The following MED27 variants were observed in gnomAD, a reference collection of about 807,000 sequenced individuals.
MED27 encodes mediator of RNA polymerase II transcription subunit 27.
MED27 carries 30 observed loss-of-function variants against 38.2 expected under a neutral mutation model. The observed-to-expected ratio is 0.79, with a 90% CI of 0.59 to 1.07. MED27 has a LOEUF of 1.07. Among genes scored for constraint, MED27 ranks in the 50% least tolerant of loss-of-function variants. The pLI is 0.00. For synonymous variants in MED27, 122 were observed against 153.5 expected, an observed-to-expected ratio of 0.79 and a Z score of 1.52; for missense variants, 289 against 397.5, an observed-to-expected ratio of 0.73 and a Z score of 2.32.
intron 2 of MED27, among the ~76,000 whole-genome samples, chr9:132,021,503 G>A (rs977234611): frequency 1.3e-5 from 2 of 152,210 alleles, no homozygotes; most frequent in Non-Finnish European, 2.9e-5. Flanking sequence ...AGACAGACGA[G>A]GGTATATAAA....
At chr9:131,981,700 T>C (rs994922114) in intron 3 of MED27, among the ~76,000 whole-genome samples, 20 of 152,186 alleles carry the variant, frequency 1.3e-4, no homozygotes, top group Non-Finnish European at 2.4e-4. Context: ...AGCCAGGAGA[T>C]GGGGCAGGAG....
At chr9:131,863,427 G>A (rs1023216574) in intron 6 of MED27, among the ~76,000 whole-genome samples, 2 of 152,182 alleles carry the variant, frequency 1.3e-5, no homozygotes, top group Non-Finnish European at 2.9e-5. Flanking sequence ...CAGAGGGAGC[G>A]GCCAGAGGCC....
intron 2 of MED27, among the ~76,000 whole-genome samples, chr9:132,058,308 C>A (rs930407476): frequency 6.6e-6 from 1 of 152,170 alleles, no homozygotes; most frequent in Non-Finnish European, 1.5e-5. Flanking sequence ...ACCCAAATAT[C>A]ATCTTGAATT....
At chr9:131,884,787 T>C (rs1443664218) in intron 5 of MED27, among the ~76,000 whole-genome samples, 1 of 152,022 alleles carries the variant, frequency 6.6e-6, no homozygotes, top group Non-Finnish European at 1.5e-5. Flanking sequence ...TTTGTATTTT[T>C]AGTAGAGATA....
chr9:131,964,377 A>C (rs373220106), intron 3 of MED27, among the ~76,000 whole-genome samples: 10 of 4,252 alleles, frequency 2.4e-3, no homozygotes, highest in Non-Finnish European at 4.2e-3. Flanking sequence ...GGTAGTAGTG[A>C]TGGTGATGGT....
chr9:131,928,811 C>T (rs907178055), intron 4 of MED27, among the ~76,000 whole-genome samples: 50 of 152,362 alleles, frequency 3.3e-4, no homozygotes, highest in Admixed American at 1.4e-3. Context: ...ACTACAATTC[C>T]TAAGCAAGTT....
chr9:131,950,396 TC>T (rs1461075414), intron 3 of MED27, among the ~76,000 whole-genome samples: 1 of 152,184 alleles, frequency 6.6e-6, no homozygotes, highest in Non-Finnish European at 1.5e-5. Flanking sequence ...CCAATGGCTT[TC>T]CCTCCCGTGC....
intron 4 of MED27, among the ~76,000 whole-genome samples, chr9:131,895,562 T>C (rs1401428165): frequency 6.6e-6 from 1 of 152,246 alleles, no homozygotes; most frequent in East Asian, 1.9e-4. Context: ...ATTCCTTCAA[T>C]AATTTCAAGC....
chr9:131,892,740 CT>C (rs1449343092), intron 5 of MED27, among the ~76,000 whole-genome samples: 2 of 152,204 alleles, frequency 1.3e-5, no homozygotes, highest in Non-Finnish European at 2.9e-5. Flanking sequence ...GTGGAACCTT[CT>C]GGAGCAGCTG....
intron 3 of MED27, among the ~76,000 whole-genome samples, chr9:131,960,224 G>A (rs941704764): frequency 1.3e-5 from 2 of 152,048 alleles, no homozygotes; most frequent in Non-Finnish European, 2.9e-5. Context: ...GCAGGTCTTC[G>A]AATTCTTAAA....
At chr9:132,004,867 C>G (rs1832323621) in intron 3 of MED27, among the ~76,000 whole-genome samples, 1 of 152,222 alleles carries the variant, frequency 6.6e-6, no homozygotes, top group Non-Finnish European at 1.5e-5. Flanking sequence ...AGGACTCATT[C>G]ATTCAACCAA....
At chr9:131,908,698 C>T (rs1284274785) in intron 4 of MED27, among the ~76,000 whole-genome samples, 1 of 152,074 alleles carries the variant, frequency 6.6e-6, no homozygotes, top group Non-Finnish European at 1.5e-5. Context: ...TAAGAGTCAT[C>T]ACCACTCCCT....
At chr9:132,007,863 C>T (rs1242629881) in intron 3 of MED27, among the ~76,000 whole-genome samples, 1 of 151,938 alleles carries the variant, frequency 6.6e-6, no homozygotes, top group Non-Finnish European at 1.5e-5. Context: ...GAGAACAAAG[C>T]CCGGGAAACA....
intron 4 of MED27, among the ~76,000 whole-genome samples, chr9:131,936,961 C>T (rs1830697028): frequency 6.6e-6 from 1 of 152,188 alleles, no homozygotes; most frequent in Non-Finnish European, 1.5e-5. Flanking sequence ...ACTGGTCTTT[C>T]CCCATCAGTC....
intron 2 of MED27, among the ~76,000 whole-genome samples, chr9:132,028,718 G>T (rs1403060123): frequency 6.6e-6 from 1 of 152,066 alleles, no homozygotes; most frequent in Non-Finnish European, 1.5e-5. Context: ...GGACATTATA[G>T]CCTTCAAATC....
chr9:131,973,457 C>CTTTTTTTT (rs747946439), intron 3 of MED27, among the ~76,000 whole-genome samples: 9 of 122,172 alleles, frequency 7.4e-5, no homozygotes, highest in South Asian at 2.6e-4. Context: ...TTTTTCTTTT[C>CTTTTTTTT]TTTTTTTTTT....
At chr9:131,876,958 A>G (rs568646274) in intron 6 of MED27, among the ~76,000 whole-genome samples, 3 of 152,318 alleles carry the variant, frequency 2.0e-5, no homozygotes, top group African/African-American at 7.2e-5. Context: ...TTCTGTCCTT[A>G]CAACATAAGT....
intron 2 of MED27, among the ~76,000 whole-genome samples, chr9:132,064,654 A>G (rs1033462161): frequency 1.3e-5 from 2 of 152,258 alleles, no homozygotes; most frequent in Admixed American, 6.5e-5. Context: ...AGAAAACGGT[A>G]TATCGCTAAC....
chr9:132,038,241 G>A (rs1361089172), intron 2 of MED27, among the ~76,000 whole-genome samples: 2 of 141,528 alleles, frequency 1.4e-5, no homozygotes, highest in East Asian at 4.2e-4. Context: ...GCCCAGGCTG[G>A]AGTGCAGTGG....
Sources: gnomAD v4.1 joint callset for allele counts (sites outside exome capture counted in the v4.1 genomes callset) on GRCh38, gnomAD v4.1.1 for gene constraint, MANE v1.5 for transcripts, NCBI Gene and HGNC (gene_info 2026-07-23, HGNC 2026-07-21) for gene names.